Variants in CPA6 observed in about 807,000 individuals in gnomAD.
CPA6 encodes the protein carboxypeptidase A6, also known as carboxypeptidase B.
A neutral mutation model predicts 63.3 loss-of-function variants in CPA6; 58 were observed. The observed-to-expected ratio is 0.92, with a 90% CI of 0.74 to 1.14. The LOEUF is 1.14. Among genes scored for constraint, CPA6 ranks in the 50% most tolerant of loss-of-function variants. CPA6 has a pLI of 0.00. For synonymous variants in CPA6, 185 were observed against 179.0 expected (o/e 1.03, Z -0.27); for missense variants, 565 against 526.6 (o/e 1.07, Z -0.71).
chr8:67,590,303 G>A (rs1814080639), intron 2 of CPA6, among the ~76,000 whole-genome samples: 1 of 151,432 alleles, frequency 6.6e-6, no homozygotes, highest in Admixed American at 6.6e-5. Context: ...TGGACATTTG[G>A]CTTGGTTCCA....
intron 3 of CPA6, 29 bp from the exon 4 acceptor site, chr8:67,511,684 A>T (rs781081618): frequency 1.5e-6 from 2 of 1,329,544 alleles, no homozygotes; most frequent in South Asian, 2.4e-5. Flanking sequence ...ACATGATGAA[A>T]AGTAAATTGA....
intron 6 of CPA6, among the ~76,000 whole-genome samples, chr8:67,497,545 C>A (rs1238074301): frequency 6.6e-6 from 1 of 152,150 alleles, no homozygotes; most frequent in Non-Finnish European, 1.5e-5. Context: ...TATGAGCATT[C>A]ATGCACAAGT....
chr8:67,507,028 T>C, intron 5 of CPA6, 140 bp from the exon 6 acceptor site: 1 of 573,614 alleles, frequency 1.7e-6, no homozygotes, highest in Non-Finnish European at 3.2e-6. Context: ...GGAGTTCCTA[T>C]CTATCTCGAA....
intron 2 of CPA6, among the ~76,000 whole-genome samples, chr8:67,555,012 G>A (rs13266610): frequency 0.42 from 63,755 of 152,074 alleles, 15,703 homozygotes; most frequent in Non-Finnish European, 0.55. Flanking sequence ...AGAGGGCTGG[G>A]CTCAGTGCCT....
At chr8:67,526,026 C>T (rs1812355541) in intron 2 of CPA6, among the ~76,000 whole-genome samples, 1 of 152,110 alleles carries the variant, frequency 6.6e-6, no homozygotes, top group Non-Finnish European at 1.5e-5. Context: ...TATGCAACCC[C>T]CTTCCCCCTC....
intron 1 of CPA6, among the ~76,000 whole-genome samples, chr8:67,742,060 A>C (rs1201981056): frequency 1.3e-5 from 2 of 152,186 alleles, no homozygotes. Flanking sequence ...TTCTCAGCAC[A>C]CAATGGGCAT....
chr8:67,691,080 T>A (rs1346493870), intron 1 of CPA6, among the ~76,000 whole-genome samples: 1 of 152,254 alleles, frequency 6.6e-6, no homozygotes, highest in Non-Finnish European at 1.5e-5. Flanking sequence ...TTGTTACTTT[T>A]CTTTTTCCCA....
At chr8:67,481,944 A>G (rs1407714069) in intron 8 of CPA6, among the ~76,000 whole-genome samples, 1 of 152,230 alleles carries the variant, frequency 6.6e-6, no homozygotes, top group Admixed American at 6.5e-5. Flanking sequence ...CCAACAGTCT[A>G]TCAAGATCAT....
At chr8:67,728,560 G>A (rs116788025) in intron 1 of CPA6, among the ~76,000 whole-genome samples, 4,836 of 152,202 alleles carry the variant, frequency 0.032, 238 homozygotes, top group African/African-American at 0.11. Flanking sequence ...GATAACAAAC[G>A]TCTTTCCATG....
intron 2 of CPA6, among the ~76,000 whole-genome samples, chr8:67,522,708 T>A (rs1052766300): frequency 2.0e-5 from 3 of 152,232 alleles, no homozygotes; most frequent in Non-Finnish European, 4.4e-5. Flanking sequence ...TCACTGTTGC[T>A]GGCATCTCCC....
At chr8:67,703,108 G>A (rs879143760) in intron 1 of CPA6, among the ~76,000 whole-genome samples, 9 of 152,160 alleles carry the variant, frequency 5.9e-5, no homozygotes, top group African/African-American at 1.9e-4. Context: ...ACTTGGATAT[G>A]TTCCCCAGTG....
At chr8:67,629,574 G>GA (rs1440645731) in intron 1 of CPA6, among the ~76,000 whole-genome samples, 1 of 150,752 alleles carries the variant, frequency 6.6e-6, no homozygotes, top group Non-Finnish European at 1.5e-5. Context: ...AATTAATAAA[G>GA]ACAAGTAAGA....
chr8:67,472,271 G>A (rs995050380), intron 8 of CPA6, among the ~76,000 whole-genome samples: 2 of 150,198 alleles, frequency 1.3e-5, no homozygotes, highest in Non-Finnish European at 3.0e-5. Flanking sequence ...AAGAGCCAAG[G>A]GAGTAATTCT....
intron 2 of CPA6, among the ~76,000 whole-genome samples, chr8:67,614,618 C>G (rs1158454620): frequency 6.6e-6 from 1 of 152,148 alleles, no homozygotes. Flanking sequence ...TACTAGAAAT[C>G]TTTCCCCTAA....
intron 1 of CPA6, chr8:67,735,224 C>G (rs977107487): frequency 8.5e-5 from 13 of 152,110 alleles, no homozygotes; most frequent in African/African-American, 3.1e-4. Context: ...CATAAGCCCT[C>G]AGGAGACACA....
At chr8:67,617,836 C>T (rs1207614041) in intron 2 of CPA6, among the ~76,000 whole-genome samples, 5 of 152,160 alleles carry the variant, frequency 3.3e-5, no homozygotes, top group Admixed American at 2.6e-4. Context: ...AGGACTGAGG[C>T]CCCCATTTTC....
Position 67,700,335 on chromosome 8 carries a change from A to G in CPA6, c.116+45679T>C, listed in dbSNP as rs577827574. ...TATAAACTCTGAAAGAAAAACTACT[A>G]TCTGGTAACTGACCCCAAACTGTAT... On this transcript the variant is annotated intron_variant, in intron 1 of 10. Transcript: ENST00000297770. 7.2e-5 allele frequency among the ~76,000 whole-genome samples: 11 copies of G among 152,350 alleles called. No homozygotes were observed. In the East Asian group the frequency reaches 7.7e-4, roughly 11 times the overall value.
At chr8:67,632,036 G>C (rs1815346141) in intron 1 of CPA6, among the ~76,000 whole-genome samples, 1 of 152,208 alleles carries the variant, frequency 6.6e-6, no homozygotes, top group South Asian at 2.1e-4. Flanking sequence ...AAGTCAGTGA[G>C]ACCAAGAACC....
At chr8:67,605,333 G>A (rs1814604203) in intron 2 of CPA6, among the ~76,000 whole-genome samples, 1 of 151,994 alleles carries the variant, frequency 6.6e-6, no homozygotes, top group Admixed American at 6.5e-5. Flanking sequence ...GGATTAATTG[G>A]TTCTAGGGCC....
Sources: allele counts gnomAD v4.1 joint callset (sites outside exome capture counted in the v4.1 genomes callset), GRCh38; gene constraint gnomAD v4.1.1; transcripts MANE v1.5; gene names NCBI Gene and HGNC (gene_info 2026-07-23, HGNC 2026-07-21).